The following PTPRN2 variants were observed in gnomAD, a reference collection of about 807,000 sequenced individuals.
PTPRN2 encodes receptor-type tyrosine-protein phosphatase N2.
In PTPRN2, 74 loss-of-function variants were observed where a neutral mutation model predicts 118.8. The ratio of observed to expected loss-of-function variants is 0.62; its 90% CI spans 0.52 to 0.76. PTPRN2 has a LOEUF of 0.76. Ranked by LOEUF, PTPRN2 falls within the 30% of genes least tolerant of loss-of-function variation. The pLI, the probability that PTPRN2 is intolerant of heterozygous loss-of-function variation, is 0.00. For missense variants in PTPRN2, 1,481 were observed against 1,394.4 expected (o/e 1.06, Z -0.99); for synonymous variants, 641 against 608.0 (o/e 1.05, Z -0.80).
chr7:158,521,703 A>G (rs36184895), intron 1 of PTPRN2, among the ~76,000 whole-genome samples: 1,533 of 16,530 alleles, frequency 0.093, 111 homozygotes, highest in Middle Eastern at 0.14. Flanking sequence ...TGGACTGTCC[A>G]GGTAGTGGCT....
At chr7:158,234,532 A>G (rs1829401038) in intron 3 of PTPRN2, among the ~76,000 whole-genome samples, 1 of 151,790 alleles carries the variant, frequency 6.6e-6, no homozygotes, top group Non-Finnish European at 1.5e-5. Context: ...ATAAAAACAT[A>G]CAAATGGTAA....
chr7:157,889,609 T>C (rs934301995), intron 12 of PTPRN2, among the ~76,000 whole-genome samples: 1 of 152,220 alleles, frequency 6.6e-6, no homozygotes, highest in Non-Finnish European at 1.5e-5. Flanking sequence ...ATGGGATGCA[T>C]TTTGCAAACA....
chr7:157,688,953 A>G (rs1797331516), intron 12 of PTPRN2, among the ~76,000 whole-genome samples: 1 of 152,158 alleles, frequency 6.6e-6, no homozygotes, highest in Admixed American at 6.5e-5. Flanking sequence ...ATTCAGAGCC[A>G]GGAGAGGGGT....
intron 2 of PTPRN2, among the ~76,000 whole-genome samples, chr7:158,472,041 T>A (rs1322143643): frequency 6.6e-6 from 1 of 152,124 alleles, no homozygotes; most frequent in Non-Finnish European, 1.5e-5. Flanking sequence ...CACGGTTCCA[T>A]TCCCACCACG....
chr7:157,653,861 C>CCCACCAGCACCTGCTGG, intron 14 of PTPRN2, among the ~76,000 whole-genome samples: 1 of 143,022 alleles, frequency 7.0e-6, no homozygotes, highest in African/African-American at 2.6e-5. Context: ...CACCCCGACT[C>CCCACCAGCACCTGCTGG]CACACGATGC....
intron 3 of PTPRN2, among the ~76,000 whole-genome samples, chr7:158,274,572 G>C (rs1035284008): frequency 6.6e-6 from 1 of 152,178 alleles, no homozygotes; most frequent in African/African-American, 2.4e-5. Flanking sequence ...GGGATCTAGC[G>C]TGTGTGGACG....
rs1482196939 is a variant in PTPRN2, at chr7:158,060,328, A to T, written c.1723+20970T>A. On this transcript the variant is annotated intron_variant, in intron 11 of 22. Coordinates refer to ENST00000389418, the MANE Select transcript of PTPRN2 (RefSeq NM_002847.5). ...CTCCATCTGCACACGGTGACACATC[A>T]GTGCAGGGTAGAAACTCCCCCATCT... Among the ~76,000 whole-genome samples the T allele has an allele frequency of 3.5e-5, 5 of 141,616 alleles. No homozygotes were observed. The East Asian group carries it at 9.7e-4, about 27-fold the overall frequency. 92.9% of individuals were successfully genotyped at this position (141,616 alleles called of 152,430 possible).
intron 13 of PTPRN2, among the ~76,000 whole-genome samples, chr7:157,666,484 C>T (rs1463264242): frequency 2.7e-5 from 4 of 149,934 alleles, no homozygotes; most frequent in African/African-American, 9.8e-5. Context: ...GAAAGTATTC[C>T]AGAGCCATTA....
chr7:157,938,959 T>C (rs1799886164), intron 11 of PTPRN2, among the ~76,000 whole-genome samples: 1 of 152,186 alleles, frequency 6.6e-6, no homozygotes, highest in Admixed American at 6.5e-5. Context: ...TTGTCCATGA[T>C]CCACACGGGC....
intron 2 of PTPRN2, among the ~76,000 whole-genome samples, chr7:158,320,625 C>T (rs886555645): frequency 6.6e-6 from 1 of 152,216 alleles, no homozygotes; most frequent in African/African-American, 2.4e-5. Flanking sequence ...CATGTTCCAG[C>T]GTTTGGCTGC....
intron 5 of PTPRN2, 121 bp from the exon 6 acceptor site, chr7:158,167,412 C>G: frequency 7.7e-7 from 1 of 1,297,402 alleles, no homozygotes. Context: ...ACAAAGATGC[C>G]CTTCGGTCTC....
chr7:158,291,592 C>T (rs2151022534), intron 3 of PTPRN2, among the ~76,000 whole-genome samples: 1 of 152,282 alleles, frequency 6.6e-6, no homozygotes, highest in African/African-American at 2.4e-5. Context: ...TGGCAAGAAA[C>T]AACCCTGACA....
chr7:157,997,217 G>C (rs549715069), intron 11 of PTPRN2, among the ~76,000 whole-genome samples: 2 of 152,220 alleles, frequency 1.3e-5, no homozygotes, highest in South Asian at 4.1e-4. Context: ...GCTGCCTGGC[G>C]GCTCCATTTG....
intron 3 of PTPRN2, among the ~76,000 whole-genome samples, chr7:158,243,774 C>T (rs1454835416): frequency 7.5e-6 from 1 of 132,756 alleles, no homozygotes; most frequent in Non-Finnish European, 1.7e-5. Context: ...CTGCTAAGTA[C>T]TAAGCACTAG....
chr7:157,835,303 A>G (rs936150069), intron 12 of PTPRN2, among the ~76,000 whole-genome samples: 2 of 152,182 alleles, frequency 1.3e-5, no homozygotes, highest in African/African-American at 4.8e-5. Context: ...TGTCATAAAA[A>G]CAGAACCGTT....
intron 6 of PTPRN2, among the ~76,000 whole-genome samples, chr7:158,164,396 G>C (rs572304361): frequency 2.6e-3 from 96 of 36,840 alleles, no homozygotes; most frequent in African/African-American, 5.4e-3. Flanking sequence ...AGGACACGCA[G>C]AGCAGGAGCG....
chr7:157,836,517 AC>A (rs1191284006), intron 12 of PTPRN2, among the ~76,000 whole-genome samples: 2 of 152,180 alleles, frequency 1.3e-5, no homozygotes, highest in Non-Finnish European at 2.9e-5. Context: ...TGAAGAACTT[AC>A]AGCAGAACCA....
intron 11 of PTPRN2, among the ~76,000 whole-genome samples, chr7:157,934,217 A>G (rs1373125831): frequency 6.6e-6 from 1 of 152,112 alleles, no homozygotes; most frequent in East Asian, 1.9e-4. Flanking sequence ...TTTTCTTCTG[A>G]TCCTATCTTG....
intron 2 of PTPRN2, among the ~76,000 whole-genome samples, chr7:158,333,454 TCACA>T (rs1563157326): frequency 6.9e-6 from 1 of 145,888 alleles, no homozygotes; most frequent in Non-Finnish European, 1.5e-5. Context: ...CAGACGTCTC[TCACA>T]CCCACACTCT....
Sources: gnomAD v4.1 joint callset for allele counts (sites outside exome capture counted in the v4.1 genomes callset) on GRCh38, gnomAD v4.1.1 for gene constraint, MANE v1.5 for transcripts, NCBI Gene and HGNC (gene_info 2026-07-23, HGNC 2026-07-21) for gene names.